VTA1: variants seen among roughly 807,000 people sequenced by gnomAD.
The protein encoded by VTA1 is vacuolar protein sorting-associated protein VTA1 homolog.
Under a neutral mutation model 36.9 loss-of-function variants are expected in VTA1, and 24 were observed. That is an observed-to-expected ratio of 0.65 (90% CI 0.47 to 0.91). The LOEUF is 0.91. Among genes scored for constraint, VTA1 ranks in the 40% least tolerant of loss-of-function variants. The pLI is 0.00. For missense variants in VTA1, 393 were observed against 377.2 expected, an observed-to-expected ratio of 1.04 and a Z score of -0.35; for synonymous variants, 142 against 130.2, an observed-to-expected ratio of 1.09 and a Z score of -0.62.
At chr6:142,156,916 C>G (rs1778673269) in intron 1 of VTA1, among the ~76,000 whole-genome samples, 1 of 152,212 alleles carries the variant, frequency 6.6e-6, no homozygotes. Context: ...GCCTGTACTC[C>G]TAGCACTTTG....
intron 1 of VTA1, among the ~76,000 whole-genome samples, chr6:142,152,059 G>C (rs565601563): frequency 6.6e-6 from 1 of 151,398 alleles, no homozygotes; most frequent in African/African-American, 2.4e-5. Context: ...AAAAGAAGAA[G>C]AAGAAGAAAA....
At position 142,151,278 on chromosome 6, in the gene VTA1, T is replaced by G. The variant is rs79398617; in HGVS notation, c.112+3879T>G. Among the ~76,000 whole-genome samples, 308 of 152,274 alleles carry G rather than the reference T, an allele frequency of 2.0e-3. 1 individual carries two copies. Among genetic ancestry groups the G allele is most frequent in the Non-Finnish European group, 3.4e-3 (229 of 68,004 alleles). On this transcript the variant is annotated intron_variant, in intron 1 of 7. Coordinates refer to ENST00000367630, the MANE Select transcript of VTA1 (RefSeq NM_016485.5). The stretch of plus-strand genomic sequence containing the variant: ...CTCAGTCTTTCAGAGTCTCTTACAT[T>G]TATACATGTATCTGTTAAGGGTAAT...
In VTA1 at chr6:142,155,196, A is replaced by G. The variant is rs190734058; in HGVS notation, c.112+7797A>G. Among the ~76,000 whole-genome samples the G allele has an allele frequency of 3.0e-4, 45 of 152,326 alleles. No individual in the cohort carries two copies. The East Asian group carries it at 8.5e-3, about 29-fold the overall frequency. On this transcript the variant is annotated intron_variant, in intron 1 of 7. Transcript: ENST00000367630. Reference sequence around the variant, plus strand: ...TTTGACTGTAAAAATATGACTCAGTACAAATGAGTACGCGTTCAGATCCTT... The same window carrying G: ...TTTGACTGTAAAAATATGACTCAGTGCAAATGAGTACGCGTTCAGATCCTT...
Position 142,169,621 on chromosome 6 carries a change from T to C in VTA1, c.279T>C (p.Tyr93=), listed in dbSNP as rs1582882860. 1.2e-6 allele frequency: 2 copies of C among 1,610,454 alleles called. No individual in the cohort carries two copies. The highest frequency in any genetic ancestry group is 1.7e-6 in the Non-Finnish European group (2 of 1,179,120). Residue 93 remains tyrosine, a synonymous_variant, in exon 3 of 8, where the codon TAT becomes TAC. Transcript: ENST00000367630. Reference sequence around the variant, plus strand: ...TGGGCTGTGCCCATTTGGAGAATTATGCTTTGAAAATGTTTTTGTATGCAG... The same window carrying C: ...TGGGCTGTGCCCATTTGGAGAATTACGCTTTGAAAATGTTTTTGTATGCAG... ...EIVGCAHLEN[Y]ALKMFLYADN...
chr6:142,216,173 C>T (rs570160699), intron 7 of VTA1, among the ~76,000 whole-genome samples: 22 of 151,348 alleles, frequency 1.5e-4, no homozygotes, highest in African/African-American at 5.1e-4. Flanking sequence ...TTATATTGAC[C>T]TTTTTGAGTA....
Position 142,222,377 on chromosome 6 carries a change from T to C in VTA1, c.*3734T>C, listed in dbSNP as rs1465408700. On this transcript the variant is annotated 3_prime_UTR_variant, in exon 8 of 8. Transcript: ENST00000367630. ...ATATCTCACCAAATCACTGCTGAACTGGAGCTGCAAGCCAAGAATAGTTCC... is the reference window on the plus strand; with the variant it reads ...ATATCTCACCAAATCACTGCTGAACCGGAGCTGCAAGCCAAGAATAGTTCC... 6.6e-6 allele frequency: 1 copy of C among 152,220 alleles called. No homozygotes were observed. Among genetic ancestry groups the C allele is most frequent in the Non-Finnish European group, 1.5e-5 (1 of 68,052 alleles). 9.4% of individuals were successfully genotyped at this position (152,220 alleles called of 1,614,324 possible).
At chr6:142,181,116 TACACAC>T (rs1554219856) in intron 4 of VTA1, among the ~76,000 whole-genome samples, 2 of 87,080 alleles carry the variant, frequency 2.3e-5, no homozygotes, top group African/African-American at 8.4e-5. Flanking sequence ...TATATATATA[TACACAC>T]ACACACACAG....
intron 7 of VTA1, among the ~76,000 whole-genome samples, chr6:142,211,364 A>C (rs1775899104): frequency 6.6e-6 from 1 of 152,198 alleles, no homozygotes; most frequent in Admixed American, 6.5e-5. Context: ...AATCCAGATG[A>C]CTTTGGGTTG....
At chr6:142,181,094 A>AAAAATATATATAT (rs1471429927) in intron 4 of VTA1, among the ~76,000 whole-genome samples, 11 of 36,436 alleles carry the variant, frequency 3.0e-4, no homozygotes, top group African/African-American at 7.6e-4. Flanking sequence ...AAAAAAAAAA[A>AAAAATATATATAT]ATATATATAT....
At chr6:142,174,369 A>G (rs866207043) in intron 4 of VTA1, among the ~76,000 whole-genome samples, 3 of 152,192 alleles carry the variant, frequency 2.0e-5, no homozygotes, top group South Asian at 2.1e-4. Flanking sequence ...TGTGGGGCCT[A>G]TCGTGCCTTT....
chr6:142,176,995 C>T (rs1775138227), intron 4 of VTA1, among the ~76,000 whole-genome samples: 1 of 152,156 alleles, frequency 6.6e-6, no homozygotes. Context: ...TGAGCAACAT[C>T]TTATTATTAG....
intron 2 of VTA1, among the ~76,000 whole-genome samples, chr6:142,168,123 G>A (rs1774956198): frequency 6.6e-6 from 1 of 152,186 alleles, no homozygotes; most frequent in African/African-American, 2.4e-5. Context: ...AAAACTTCAA[G>A]TATATTATGT....
At chr6:142,159,509 T>C (rs1179507863) in intron 1 of VTA1, among the ~76,000 whole-genome samples, 2 of 141,518 alleles carry the variant, frequency 1.4e-5, no homozygotes, top group African/African-American at 2.8e-5. Context: ...TTATTATTAT[T>C]ATTATTATTA....
intron 4 of VTA1, among the ~76,000 whole-genome samples, chr6:142,185,170 C>A (rs1775317302): frequency 6.6e-6 from 1 of 152,048 alleles, no homozygotes; most frequent in African/African-American, 2.4e-5. Context: ...TGAACTGTTC[C>A]ATGTACTTAC....
intron 7 of VTA1, among the ~76,000 whole-genome samples, chr6:142,206,546 G>C (rs1342114552): frequency 6.6e-6 from 1 of 152,174 alleles, no homozygotes; most frequent in Non-Finnish European, 1.5e-5. Context: ...ATTATGGACA[G>C]TTCCCATCAA....
In VTA1 at chr6:142,198,468, G is replaced by A; in HGVS notation, c.550G>A (p.Ala184Thr). 1 of 1,613,994 alleles carries A rather than the reference G, an allele frequency of 6.2e-7. No individual in the cohort carries two copies. The highest frequency in any genetic ancestry group is 2.2e-5 in the East Asian group (1 of 44,846). Reference sequence around the variant, plus strand: ...TGAAGAAAATGAAGATGCTGGAGCAGCCTCTCTGCCCACTCAGCCAACTCA... The same window carrying A: ...TGAAGAAAATGAAGATGCTGGAGCAACCTCTCTGCCCACTCAGCCAACTCA... Reference protein sequence around the residue: ...DIEENEDAGAASLPTQPTQPS... With the variant: ...DIEENEDAGATSLPTQPTQPS... Residue 184 changes from alanine to threonine, a missense_variant, in exon 6 of 8, where the codon GCC (alanine) becomes ACC (threonine). By Grantham distance (58) the Ala-to-Thr change is moderately conservative. Coordinates refer to ENST00000367630, the MANE Select transcript of VTA1 (RefSeq NM_016485.5).
At chr6:142,217,420 G>T (rs1337108020) in intron 7 of VTA1, among the ~76,000 whole-genome samples, 2 of 152,028 alleles carry the variant, frequency 1.3e-5, no homozygotes, top group African/African-American at 4.8e-5. Context: ...AATTGTTTCA[G>T]TACTCTTTTT....
intron 1 of VTA1, 79 bp downstream of exon 1, chr6:142,147,478 G>T: frequency 7.2e-7 from 1 of 1,391,506 alleles, no homozygotes; most frequent in Non-Finnish European, 1.0e-6. Context: ...GGTTCTTGGG[G>T]CATGCCCCGC....
At chr6:142,161,600 A>G (rs191249341) in intron 1 of VTA1, among the ~76,000 whole-genome samples, 2 of 152,320 alleles carry the variant, frequency 1.3e-5, no homozygotes, top group East Asian at 3.9e-4. Flanking sequence ...ATTTATTCAT[A>G]AAGATAAACA....
Sources: allele counts gnomAD v4.1 joint callset (sites outside exome capture counted in the v4.1 genomes callset), GRCh38; gene constraint gnomAD v4.1.1; transcripts MANE v1.5; gene names NCBI Gene and HGNC (gene_info 2026-07-23, HGNC 2026-07-21).